GPC6: variants seen among roughly 807,000 people sequenced by gnomAD.
GPC6 encodes the protein glypican-6.
Under a neutral mutation model 55.2 loss-of-function variants are expected in GPC6, and 14 were observed. The ratio of observed to expected loss-of-function variants is 0.25; its 90% CI spans 0.17 to 0.40. The LOEUF (loss-of-function observed/expected upper bound fraction) is 0.40. Ranked by LOEUF, GPC6 falls within the 10% of genes least tolerant of loss-of-function variation. The pLI is 1.00. For missense variants in GPC6, 641 were observed against 708.5 expected, an observed-to-expected ratio of 0.90 and a Z score of 1.08; for synonymous variants, 278 against 259.6, an observed-to-expected ratio of 1.07 and a Z score of -0.68.
At chr13:93,664,450 A>C (rs1881050652) in intron 2 of GPC6, among the ~76,000 whole-genome samples, 1 of 152,238 alleles carries the variant, frequency 6.6e-6, no homozygotes, top group Admixed American at 6.5e-5. Flanking sequence ...TCCCTTGTTA[A>C]GGGAAACTGA....
intron 4 of GPC6, among the ~76,000 whole-genome samples, chr13:94,031,681 T>G (rs775776054): frequency 8.5e-5 from 13 of 152,266 alleles, no homozygotes; most frequent in Admixed American, 2.0e-4. Context: ...ATGGTTTTCT[T>G]GAAAAATGTT....
At chr13:93,644,088 A>G (rs182477040) in intron 2 of GPC6, among the ~76,000 whole-genome samples, 111 of 152,214 alleles carry the variant, frequency 7.3e-4, no homozygotes, top group African/African-American at 2.6e-3. Context: ...CACTAAGTAC[A>G]TCATCTTGTA....
At chr13:93,404,210 A>G (rs1876200994) in intron 1 of GPC6, among the ~76,000 whole-genome samples, 1 of 152,176 alleles carries the variant, frequency 6.6e-6, no homozygotes, top group Non-Finnish European at 1.5e-5. Context: ...AAACAAACCA[A>G]CTATAACGAA....
intron 1 of GPC6, among the ~76,000 whole-genome samples, chr13:93,382,513 A>T (rs1302642869): frequency 2.6e-5 from 4 of 152,192 alleles, no homozygotes; most frequent in Non-Finnish European, 5.9e-5. Flanking sequence ...ATTATTATTT[A>T]GCCCATGATT....
intron 4 of GPC6, among the ~76,000 whole-genome samples, chr13:94,088,739 T>C (rs548246296): frequency 3.6e-5 from 2 of 54,958 alleles, no homozygotes; most frequent in African/African-American, 1.1e-4. Flanking sequence ...TCTTGTAATT[T>C]CAATATGGTT....
intron 1 of GPC6, among the ~76,000 whole-genome samples, chr13:93,379,127 A>C (rs1875049226): frequency 1.3e-5 from 2 of 152,174 alleles, no homozygotes; most frequent in South Asian, 4.1e-4. Context: ...AATGCACCCT[A>C]GGAGACAGTA....
At chr13:93,839,230 G>T (rs952806998) in intron 3 of GPC6, among the ~76,000 whole-genome samples, 1 of 152,120 alleles carries the variant, frequency 6.6e-6, no homozygotes, top group Admixed American at 6.6e-5. Flanking sequence ...ACACATTCTA[G>T]AACAAGGTGT....
chr13:94,120,857 G>A (rs1886607227), intron 4 of GPC6, among the ~76,000 whole-genome samples: 3 of 152,088 alleles, frequency 2.0e-5, no homozygotes, highest in Admixed American at 2.0e-4. Context: ...CAGCCATCTA[G>A]GGATGTGATT....
chr13:94,393,119 G>A (rs949851267), intron 7 of GPC6, among the ~76,000 whole-genome samples: 2 of 152,176 alleles, frequency 1.3e-5, no homozygotes, highest in African/African-American at 4.8e-5. Context: ...AGAAGAGGTT[G>A]CTGATAGCAT....
intron 5 of GPC6, among the ~76,000 whole-genome samples, chr13:94,291,302 A>C (rs891355711): frequency 3.3e-5 from 5 of 152,332 alleles, no homozygotes; most frequent in Middle Eastern, 3.4e-3. Context: ...CAGAAACAAA[A>C]TAGTGTGTCT....
chr13:93,637,225 T>C (rs972602231), intron 2 of GPC6, among the ~76,000 whole-genome samples: 1 of 152,164 alleles, frequency 6.6e-6, no homozygotes, highest in Non-Finnish European at 1.5e-5. Context: ...ATACCTACTT[T>C]ACTCGCTTTA....
chr13:94,225,638 G>GTA (rs887072861), intron 4 of GPC6, among the ~76,000 whole-genome samples: 6 of 144,604 alleles, frequency 4.1e-5, no homozygotes, highest in South Asian at 2.2e-4. Flanking sequence ...TATATGTAAG[G>GTA]TATATATATA....
chr13:93,970,722 C>T (rs894574854), intron 3 of GPC6, among the ~76,000 whole-genome samples: 3 of 152,154 alleles, frequency 2.0e-5, no homozygotes, highest in Non-Finnish European at 2.9e-5. Context: ...TGCTCAGTGC[C>T]CTGACAACCT....
intron 3 of GPC6, among the ~76,000 whole-genome samples, chr13:93,915,609 C>T (rs568595696): frequency 5.3e-5 from 8 of 152,308 alleles, no homozygotes; most frequent in East Asian, 1.9e-4. Context: ...GACTCAGTAT[C>T]AGGAATGGCT....
intron 3 of GPC6, among the ~76,000 whole-genome samples, chr13:93,869,466 A>G (rs1473722131): frequency 6.6e-6 from 1 of 151,858 alleles, no homozygotes; most frequent in Non-Finnish European, 1.5e-5. Flanking sequence ...CTAACATGAT[A>G]GTATCAGCAA....
At chr13:93,771,558 T>C (rs1033554695) in intron 2 of GPC6, among the ~76,000 whole-genome samples, 3 of 152,154 alleles carry the variant, frequency 2.0e-5, no homozygotes, top group African/African-American at 2.4e-5. Context: ...CACAACAAGC[T>C]GTGCAGTCCC....
intron 3 of GPC6, among the ~76,000 whole-genome samples, chr13:93,974,888 C>T (rs1246162970): frequency 1.3e-5 from 2 of 152,116 alleles, no homozygotes; most frequent in Admixed American, 6.6e-5. Flanking sequence ...CTTTTATCCT[C>T]ACTTTATAGA....
chr13:94,082,559 T>C (rs1269798891), intron 4 of GPC6, among the ~76,000 whole-genome samples: 1 of 152,108 alleles, frequency 6.6e-6, no homozygotes, highest in Admixed American at 6.6e-5. Flanking sequence ...ATCTCAAGTG[T>C]TGTTAGAGAA....
chr13:94,139,083 G>A (rs643083), intron 4 of GPC6, among the ~76,000 whole-genome samples: 75,670 of 149,558 alleles, frequency 0.51, 19,563 homozygotes, highest in Middle Eastern at 0.61. Flanking sequence ...TTAGCTGGGG[G>A]AAAAAAAAAA....
Sources: gnomAD v4.1 joint callset for allele counts (sites outside exome capture counted in the v4.1 genomes callset) on GRCh38, gnomAD v4.1.1 for gene constraint, MANE v1.5 for transcripts, NCBI Gene and HGNC (gene_info 2026-07-23, HGNC 2026-07-21) for gene names.